The following PITPNC1 variants were observed in gnomAD, a reference collection of about 807,000 sequenced individuals.
PITPNC1 encodes phosphatidylinositol transfer protein cytoplasmic 1, also known as cytoplasmic phosphatidylinositol transfer protein 1.
PITPNC1 carries 18 observed loss-of-function variants against 44.7 expected under a neutral mutation model. That is an observed-to-expected ratio of 0.40 (90% CI 0.28 to 0.60). PITPNC1 has a LOEUF of 0.60. Ranked by LOEUF, PITPNC1 falls within the 20% of genes least tolerant of loss-of-function variation. PITPNC1 has a pLI of 0.39. For missense variants in PITPNC1, 290 were observed against 418.4 expected (o/e 0.69, Z 2.68); for synonymous variants, 141 against 149.6 (o/e 0.94, Z 0.42).
intron 1 of PITPNC1, chr17:67,408,729 C>CCTTCCTTTCTTTCTTT (rs1420868805): frequency 1.1e-3 from 138 of 131,354 alleles, no homozygotes; most frequent in African/African-American, 3.9e-3. Flanking sequence ...TTCCTTCCTT[C>CCTTCCTTTCTTTCTTT]CTTTCTTTCT....
chr17:67,479,657 T>C (rs2039678010), intron 1 of PITPNC1, among the ~76,000 whole-genome samples: 1 of 152,142 alleles, frequency 6.6e-6, no homozygotes, highest in Non-Finnish European at 1.5e-5. Context: ...TCAAAGATTA[T>C]GATTTTTTTT....
At chr17:67,631,770 C>T (rs2041975460) in intron 5 of PITPNC1, among the ~76,000 whole-genome samples, 1 of 147,324 alleles carries the variant, frequency 6.8e-6, no homozygotes, top group South Asian at 2.1e-4. Context: ...CAAATTTAGC[C>T]AGACCCTTTC....
At chr17:67,587,130 C>A (rs142597368) in intron 5 of PITPNC1, among the ~76,000 whole-genome samples, 4 of 151,948 alleles carry the variant, frequency 2.6e-5, no homozygotes, top group African/African-American at 9.7e-5. Flanking sequence ...AAAGCAAGAG[C>A]GCCATTTAGT....
chr17:67,517,090 T>A (rs1357046507), intron 1 of PITPNC1, among the ~76,000 whole-genome samples: 3 of 152,364 alleles, frequency 2.0e-5, no homozygotes, highest in African/African-American at 7.2e-5. Flanking sequence ...GAAGTTCAGC[T>A]CTTCATTGTC....
intron 7 of PITPNC1, among the ~76,000 whole-genome samples, chr17:67,671,060 G>A (rs1005455644): frequency 1.3e-5 from 2 of 152,196 alleles, no homozygotes; most frequent in Middle Eastern, 6.8e-3. Flanking sequence ...GCTAATTTTT[G>A]TATTTTTAGT....
intron 1 of PITPNC1, among the ~76,000 whole-genome samples, chr17:67,389,634 A>T (rs923644137): frequency 6.6e-6 from 1 of 152,170 alleles, no homozygotes; most frequent in African/African-American, 2.4e-5. Flanking sequence ...TTGAATTGGT[A>T]TGTAAAGTAC....
chr17:67,528,052 G>GT (rs1174041369), intron 1 of PITPNC1, among the ~76,000 whole-genome samples: 2 of 151,882 alleles, frequency 1.3e-5, no homozygotes, highest in Admixed American at 6.6e-5. Flanking sequence ...TTTTGTTTTT[G>GT]TTTTTTTGAG....
chr17:67,501,586 A>G (rs2040030271), intron 1 of PITPNC1, among the ~76,000 whole-genome samples: 1 of 152,076 alleles, frequency 6.6e-6, no homozygotes, highest in Non-Finnish European at 1.5e-5. Context: ...AATTCCAGCA[A>G]TTTGAGAGGC....
At chr17:67,389,894 T>G (rs942479051) in intron 1 of PITPNC1, among the ~76,000 whole-genome samples, 2 of 152,122 alleles carry the variant, frequency 1.3e-5, no homozygotes, top group Non-Finnish European at 2.9e-5. Flanking sequence ...GTAGCCAGGA[T>G]GGTCTCGAAC....
chr17:67,665,703 T>C (rs2042412166), intron 6 of PITPNC1, among the ~76,000 whole-genome samples: 2 of 152,156 alleles, frequency 1.3e-5, no homozygotes, highest in Non-Finnish European at 2.9e-5. Context: ...GGTTGAAGCA[T>C]TCACTCAACA....
intron 1 of PITPNC1, among the ~76,000 whole-genome samples, chr17:67,500,664 T>C: frequency 8.1e-6 from 1 of 123,930 alleles, no homozygotes; most frequent in African/African-American, 3.1e-5. Context: ...TTTTAAGATT[T>C]TTTTTTTTTT....
chr17:67,590,246 A>G (rs1294928712), intron 5 of PITPNC1, among the ~76,000 whole-genome samples: 1 of 152,218 alleles, frequency 6.6e-6, no homozygotes, highest in Admixed American at 6.5e-5. Context: ...AACGAAATAA[A>G]TGAACCTAAC....
chr17:67,682,768 C>T (rs2042734580), intron 8 of PITPNC1, among the ~76,000 whole-genome samples: 1 of 152,138 alleles, frequency 6.6e-6, no homozygotes, highest in Non-Finnish European at 1.5e-5. Context: ...TGTAGGAAAC[C>T]TTATTTAGGA....
At position 67,647,463 on chromosome 17, in the gene PITPNC1, G is replaced by GTTTTTTTTTTT. The variant is rs1567757487; in HGVS notation, c.462+15225_462+15226insTTTTTTTTTTT. Among the ~76,000 whole-genome samples, 34 of 90,602 alleles carry GTTTTTTTTTTT rather than the reference G, an allele frequency of 3.8e-4. 2 individuals are homozygous for GTTTTTTTTTTT. Among genetic ancestry groups the GTTTTTTTTTTT allele is most frequent in the African/African-American group, 1.7e-3 (33 of 19,938 alleles). The allele number at this position is 90,602 out of a possible 152,430, so 59.4% of individuals were successfully genotyped here. ...ACACCATCACACCCAGCTAATTTTG[G>GTTTTTTTTTTT]GTTTTTTTTTTTTTTTTTTTTTTTT... On this transcript the variant is annotated intron_variant, in intron 6 of 8. Transcript: ENST00000581322.
At chr17:67,464,871 C>T (rs746354044) in intron 1 of PITPNC1, among the ~76,000 whole-genome samples, 2 of 152,080 alleles carry the variant, frequency 1.3e-5, no homozygotes, top group Non-Finnish European at 2.9e-5. Context: ...TCCTGAGTAG[C>T]TGGGACTACA....
chr17:67,667,507 A>AAAAAAT (rs1484140561), intron 6 of PITPNC1, among the ~76,000 whole-genome samples: 1 of 150,040 alleles, frequency 6.7e-6, no homozygotes, highest in Non-Finnish European at 1.5e-5. Flanking sequence ...AAAAAAAAAA[A>AAAAAAT]AGTACTGAAA....
At chr17:67,480,509 T>C (rs767262860) in intron 1 of PITPNC1, among the ~76,000 whole-genome samples, 7 of 152,184 alleles carry the variant, frequency 4.6e-5, no homozygotes, top group African/African-American at 7.2e-5. Flanking sequence ...AGCAGTGAAA[T>C]ATTATATCAC....
intron 5 of PITPNC1, among the ~76,000 whole-genome samples, chr17:67,618,418 T>G (rs1265788901): frequency 2.0e-5 from 3 of 149,212 alleles, no homozygotes; most frequent in Admixed American, 6.8e-5. Flanking sequence ...TGGTTGCCAG[T>G]TTCTTCCTTG....
chr17:67,582,682 C>T (rs1178363378), intron 5 of PITPNC1, among the ~76,000 whole-genome samples: 1 of 151,994 alleles, frequency 6.6e-6, no homozygotes, highest in Admixed American at 6.5e-5. Flanking sequence ...ACTGTGATTA[C>T]ATTAACCAGG....
Sources: gnomAD v4.1 joint callset for allele counts (sites outside exome capture counted in the v4.1 genomes callset) on GRCh38, gnomAD v4.1.1 for gene constraint, MANE v1.5 for transcripts, NCBI Gene and HGNC (gene_info 2026-07-23, HGNC 2026-07-21) for gene names.